MYLK4: variants seen among roughly 807,000 people sequenced by gnomAD.
MYLK4 encodes the protein myosin light chain kinase family member 4.
Under a neutral mutation model 48.1 loss-of-function variants are expected in MYLK4, and 46 were observed. The ratio of observed to expected loss-of-function variants is 0.96; its 90% CI spans 0.75 to 1.22. The LOEUF (loss-of-function observed/expected upper bound fraction) is 1.22. Among genes scored for constraint, MYLK4 ranks in the 50% most tolerant of loss-of-function variants. The pLI, the probability that MYLK4 is intolerant of heterozygous loss-of-function variation, is 0.00. For missense variants in MYLK4, 451 were observed against 486.1 expected, an observed-to-expected ratio of 0.93 and a Z score of 0.68; for synonymous variants, 170 against 180.8, an observed-to-expected ratio of 0.94 and a Z score of 0.48.
intron 3 of MYLK4, 46 bp downstream of exon 3, chr6:2,692,738 C>G: frequency 6.5e-7 from 1 of 1,540,142 alleles, no homozygotes; most frequent in South Asian, 1.1e-5. Context: ...ACTTTTATAA[C>G]GGAACTTTCT....
intron 2 of MYLK4, among the ~76,000 whole-genome samples, chr6:2,708,725 T>G (rs1762575450): frequency 6.6e-6 from 1 of 152,176 alleles, no homozygotes; most frequent in African/African-American, 2.4e-5. Context: ...CTAGTTCCCA[T>G]GAAGAAACAT....
intron 2 of MYLK4, among the ~76,000 whole-genome samples, chr6:2,738,164 CAT>C (rs1265682720): frequency 1.3e-5 from 2 of 152,110 alleles, no homozygotes; most frequent in Non-Finnish European, 2.9e-5. Flanking sequence ...TTAGGCAAAA[CAT>C]GTGAGTAGGC....
intron 2 of MYLK4, among the ~76,000 whole-genome samples, chr6:2,716,792 T>C (rs190006536): frequency 5.3e-5 from 8 of 152,358 alleles, no homozygotes; most frequent in Middle Eastern, 3.4e-3. Context: ...AAAATGAGGA[T>C]AGTAGTTCCT....
chr6:2,770,152 G>T, the MYLK4 span: 19 of 1,614,070 alleles, frequency 1.2e-5, no homozygotes, highest in South Asian at 1.9e-4. Flanking sequence ...AATGTGGGAC[G>T]ATCACTCTGA....
intron 2 of MYLK4, among the ~76,000 whole-genome samples, chr6:2,745,400 T>C: frequency 6.6e-6 from 1 of 152,210 alleles, no homozygotes; most frequent in East Asian, 1.9e-4. Context: ...ATGGACACAG[T>C]AGCTATCGAG....
intron 2 of MYLK4, among the ~76,000 whole-genome samples, chr6:2,737,292 A>G (rs1366745453): frequency 6.6e-6 from 1 of 152,252 alleles, no homozygotes; most frequent in Non-Finnish European, 1.5e-5. Flanking sequence ...CAGCCTGGCG[A>G]CAGAGCGAGA....
At chr6:2,723,967 C>G (rs1166810072) in intron 2 of MYLK4, among the ~76,000 whole-genome samples, 7 of 152,132 alleles carry the variant, frequency 4.6e-5, no homozygotes, top group African/African-American at 1.7e-4. Flanking sequence ...ACCTCCGCCT[C>G]CCAGGCTCAA....
the MYLK4 span, chr6:2,765,591 C>G: frequency 2.0e-6 from 3 of 1,467,324 alleles, no homozygotes; most frequent in African/African-American, 2.9e-5. Context: ...TTGCTGCGGC[C>G]GCGCCGGGCG....
At chr6:2,689,222 T>A (rs1203793504) in intron 3 of MYLK4, among the ~76,000 whole-genome samples, 4 of 152,120 alleles carry the variant, frequency 2.6e-5, no homozygotes, top group African/African-American at 9.7e-5. Context: ...TTTAGAAATG[T>A]CAAAATAGTT....
intron 2 of MYLK4, among the ~76,000 whole-genome samples, chr6:2,726,648 T>C (rs1306452292): frequency 2.0e-5 from 3 of 149,598 alleles, no homozygotes; most frequent in African/African-American, 7.4e-5. Context: ...GTTTTGCTCT[T>C]GTTGCCCAGG....
In MYLK4 at chr6:2,665,781, ATTT is replaced by A. The variant is rs1162739616; in HGVS notation, c.*2141_*2143del. The A allele has an allele frequency of 6.6e-6, 1 of 152,222 alleles. No individual in the cohort carries two copies. The highest frequency in any genetic ancestry group is 1.5e-5 in the Non-Finnish European group (1 of 68,048). 9.4% of individuals were successfully genotyped at this position (152,222 alleles called of 1,614,324 possible). A position where few individuals can be genotyped will look rare whatever the true frequency, so the allele number is the denominator to read the frequency against. On this transcript the variant is annotated 3_prime_UTR_variant, in exon 13 of 13. Coordinates refer to ENST00000274643, the MANE Select transcript of MYLK4 (RefSeq NM_001012418.5). ...ATCAGACCCCTGTGTCCTGTTTAGCATTTGAGTGAATGCCAGCTCTCTGCGGTC... is the reference window on the plus strand; with the variant it reads ...ATCAGACCCCTGTGTCCTGTTTAGCAGAGTGAATGCCAGCTCTCTGCGGTC...
intron 2 of MYLK4, among the ~76,000 whole-genome samples, chr6:2,714,870 T>C (rs1005796035): frequency 1.3e-5 from 2 of 152,192 alleles, no homozygotes; most frequent in Non-Finnish European, 2.9e-5. Context: ...AAAAGATAAA[T>C]ACTGTGTCAT....
At chr6:2,768,257 C>T in the MYLK4 span, among the ~76,000 whole-genome samples, 15 of 152,116 alleles carry the variant, frequency 9.9e-5, no homozygotes, top group Non-Finnish European at 2.2e-4. Context: ...CCTGAGCTTC[C>T]AGTTCGGGCT....
intron 2 of MYLK4, among the ~76,000 whole-genome samples, chr6:2,703,665 C>CTTTTTTTTTTTTTTTTT (rs3055234): frequency 3.2e-5 from 3 of 95,152 alleles, no homozygotes; most frequent in Admixed American, 1.5e-4. Flanking sequence ...TTTGTGAATT[C>CTTTTTTTTTTTTTTTTT]TTTTTTTTTT....
At chr6:2,717,207 A>G (rs186782405) in intron 2 of MYLK4, among the ~76,000 whole-genome samples, 273 of 152,382 alleles carry the variant, frequency 1.8e-3, no homozygotes, top group African/African-American at 5.9e-3. Flanking sequence ...TTGAAAGTCC[A>G]GTACGTAATT....
At chr6:2,761,294 T>C in the MYLK4 span, among the ~76,000 whole-genome samples, 2 of 152,078 alleles carry the variant, frequency 1.3e-5, no homozygotes, top group African/African-American at 4.8e-5. Flanking sequence ...AAGGAGAAAA[T>C]GGAAGCCTAG....
the MYLK4 span, among the ~76,000 whole-genome samples, chr6:2,764,274 C>T: frequency 6.6e-6 from 1 of 152,168 alleles, no homozygotes; most frequent in South Asian, 2.1e-4. Context: ...ACCAGCCAGC[C>T]AGGCGTGGTG....
the MYLK4 span, among the ~76,000 whole-genome samples, chr6:2,768,313 C>T: frequency 6.6e-6 from 1 of 152,144 alleles, no homozygotes; most frequent in South Asian, 2.1e-4. Context: ...CGTGCTGTCT[C>T]GGCTAGAGGA....
At chr6:2,684,689 G>C (rs1761458699) in intron 6 of MYLK4, among the ~76,000 whole-genome samples, 1 of 152,168 alleles carries the variant, frequency 6.6e-6, no homozygotes, top group Non-Finnish European at 1.5e-5. Flanking sequence ...GGCATTTACA[G>C]TTTATCAGGT....
Sources: allele counts gnomAD v4.1 joint callset (sites outside exome capture counted in the v4.1 genomes callset), GRCh38; gene constraint gnomAD v4.1.1; transcripts MANE v1.5; gene names NCBI Gene and HGNC (gene_info 2026-07-23, HGNC 2026-07-21).